ANKMY1: variants seen among roughly 807,000 people sequenced by gnomAD.
The protein encoded by ANKMY1 is ankyrin repeat and MYND domain containing 1, also known as ankyrin repeat and MYND domain-containing protein 1.
In ANKMY1, 98 loss-of-function variants were observed where a neutral mutation model predicts 102.0. The ratio of observed to expected loss-of-function variants is 0.96; its 90% CI spans 0.82 to 1.14. ANKMY1 has a LOEUF of 1.14. Among genes scored for constraint, ANKMY1 ranks in the 50% most tolerant of loss-of-function variants. ANKMY1 has a pLI of 0.00. For missense variants in ANKMY1, 1,330 were observed against 1,347.6 expected, an observed-to-expected ratio of 0.99 and a Z score of 0.20; for synonymous variants, 582 against 559.9, an observed-to-expected ratio of 1.04 and a Z score of -0.56.
chr2:240,477,748 T>TA (rs927407232), downstream of ANKMY1, among the ~76,000 whole-genome samples: 13 of 152,212 alleles, frequency 8.5e-5, no homozygotes, highest in South Asian at 2.1e-4. Context: ...GCATATATAA[T>TA]AAAAAATAAA....
At chr2:240,544,781 G>A (rs1469324229) in intron 4 of ANKMY1, among the ~76,000 whole-genome samples, 5 of 152,202 alleles carry the variant, frequency 3.3e-5, no homozygotes, top group East Asian at 3.8e-4. Flanking sequence ...ACTCCCACCC[G>A]AATACTGCGC....
chr2:240,552,274 A>G (rs1180824920), intron 4 of ANKMY1, among the ~76,000 whole-genome samples: 1 of 152,154 alleles, frequency 6.6e-6, no homozygotes, highest in African/African-American at 2.4e-5. Flanking sequence ...AGCCACTCAT[A>G]TTGGCTCAGA....
At chr2:240,535,512 G>A (rs956839383) in intron 4 of ANKMY1, among the ~76,000 whole-genome samples, 3 of 152,198 alleles carry the variant, frequency 2.0e-5, no homozygotes, top group Non-Finnish European at 2.9e-5. Flanking sequence ...AAAACAAAGG[G>A]GAAAGGGGAT....
the ANKMY1 span, among the ~76,000 whole-genome samples, chr2:240,473,121 T>C: frequency 2.7e-5 from 1 of 37,224 alleles, no homozygotes; most frequent in Non-Finnish European, 4.5e-5. Flanking sequence ...TGAAACTCTG[T>C]CTAAAAAAAA....
At chr2:240,474,397 G>A in the ANKMY1 span, among the ~76,000 whole-genome samples, 74 of 150,206 alleles carry the variant, frequency 4.9e-4, no homozygotes, top group African/African-American at 1.7e-3. Context: ...GTGAGCCACC[G>A]CGCCAGGCCA....
intron 9 of ANKMY1, chr2:240,519,747 C>A (rs2081827606): frequency 5.0e-6 from 1 of 200,494 alleles, no homozygotes; most frequent in Non-Finnish European, 1.1e-5. Context: ...TCAGCAGAAA[C>A]ACTAAACTTT....
At chr2:240,511,355 T>A (rs2080144006) in intron 11 of ANKMY1, among the ~76,000 whole-genome samples, 1 of 152,248 alleles carries the variant, frequency 6.6e-6, no homozygotes, top group Non-Finnish European at 1.5e-5. Flanking sequence ...ACGGCAAAGC[T>A]GAGACTTGGC....
At chr2:240,498,928 G>T (rs2077668681) in intron 15 of ANKMY1, among the ~76,000 whole-genome samples, 1 of 152,278 alleles carries the variant, frequency 6.6e-6, no homozygotes, top group Non-Finnish European at 1.5e-5. Flanking sequence ...GCTCCCTGAG[G>T]TCTCTCCAGA....
intron 9 of ANKMY1, chr2:240,519,955 A>C: frequency 2.9e-6 from 1 of 340,730 alleles, no homozygotes; most frequent in Non-Finnish European, 6.2e-6. Flanking sequence ...CTGTTGAGCT[A>C]AAGATAAAAC....
chr2:240,542,529 A>G (rs890978306), intron 4 of ANKMY1, among the ~76,000 whole-genome samples: 2 of 151,952 alleles, frequency 1.3e-5, no homozygotes, highest in Non-Finnish European at 2.9e-5. Flanking sequence ...TCAAACTGCC[A>G]TGGAAACTGC....
chr2:240,527,266 A>ATGT (rs2083736397), intron 5 of ANKMY1: 1 of 21,826 alleles, frequency 4.6e-5, no homozygotes, highest in Non-Finnish European at 1.0e-4. Flanking sequence ...AGATGCATGA[A>ATGT]TAGATTGATA....
At chr2:240,518,094 T>TG (rs1339651015) in intron 9 of ANKMY1, among the ~76,000 whole-genome samples, 4 of 151,998 alleles carry the variant, frequency 2.6e-5, no homozygotes, top group African/African-American at 4.8e-5. Context: ...AATTGACGAA[T>TG]GGGGGGGAAG....
At chr2:240,539,596 A>G (rs1353184693) in intron 4 of ANKMY1, among the ~76,000 whole-genome samples, 1 of 152,188 alleles carries the variant, frequency 6.6e-6, no homozygotes, top group African/African-American at 2.4e-5. Context: ...ATTGCCAAAC[A>G]CTGGAAACAA....
chr2:240,539,884 G>T (rs1185942357), intron 4 of ANKMY1, among the ~76,000 whole-genome samples: 1 of 152,190 alleles, frequency 6.6e-6, no homozygotes, highest in Non-Finnish European at 1.5e-5. Context: ...AGCAGGAAGG[G>T]AAGTCAGACA....
At chr2:240,521,491 CTTTTTTTTTTTTT>C (rs1162330484) in intron 8 of ANKMY1, among the ~76,000 whole-genome samples, 1 of 69,592 alleles carries the variant, frequency 1.4e-5, no homozygotes, top group Non-Finnish European at 2.6e-5. Context: ...GGTGTTACAG[CTTTTTTTTTTTTT>C]TTTTTTTTTT....
At chr2:240,512,753 C>A in intron 10 of ANKMY1, 49 bp downstream of exon 10, 1 of 1,567,584 alleles carries the variant, frequency 6.4e-7, no homozygotes, top group Non-Finnish European at 8.7e-7. Flanking sequence ...TCCATCCAGG[C>A]ACACCTGGCC....
Position 240,526,067 on chromosome 2 carries a change from C to G in ANKMY1, c.1170+162G>C. 3.0e-6 allele frequency: 3 copies of G among 1,005,998 alleles called. No individual in the cohort carries two copies. The Admixed American group carries it at 6.6e-5, about 22-fold the overall frequency. 62.3% of individuals were successfully genotyped at this position (1,005,998 alleles called of 1,614,324 possible). A position where few individuals can be genotyped will look rare whatever the true frequency, so the allele number is the denominator to read the frequency against. ...ACTGGACCACGAGTGTCACACTCAG[C>G]TGAGTGGGTTTCTGCTGAACGGCGA... On this transcript the variant is annotated intron_variant, in intron 6 of 17. Coordinates refer to ENST00000401804, the MANE Select transcript of ANKMY1 (RefSeq NM_001282771.3).
intron 17 of ANKMY1, among the ~76,000 whole-genome samples, chr2:240,480,618 GC>G (rs2075268781): frequency 6.6e-6 from 1 of 152,150 alleles, no homozygotes; most frequent in Admixed American, 6.5e-5. Flanking sequence ...TGTCAGCAGA[GC>G]CCCCTAGGAG....
At chr2:240,474,543 A>G (rs925966210), downstream of ANKMY1, among the ~76,000 whole-genome samples, 5 of 152,070 alleles carry the variant, frequency 3.3e-5, no homozygotes, top group Non-Finnish European at 7.4e-5. Context: ...CCTAATAGTT[A>G]TTTTTTCTAA....
Sources: gnomAD v4.1 joint callset for allele counts (sites outside exome capture counted in the v4.1 genomes callset) on GRCh38, gnomAD v4.1.1 for gene constraint, MANE v1.5 for transcripts, NCBI Gene and HGNC (gene_info 2026-07-23, HGNC 2026-07-21) for gene names.